Variants in BEND7 observed in about 807,000 individuals in gnomAD.
BEND7 encodes BEN domain containing 7.
A neutral mutation model predicts 50.9 loss-of-function variants in BEND7; 28 were observed. The observed-to-expected ratio is 0.55, with a 90% CI of 0.41 to 0.75. The LOEUF (loss-of-function observed/expected upper bound fraction) is 0.75, where lower values mean the gene tolerates loss of function less well. Among genes scored for constraint, BEND7 ranks in the 30% least tolerant of loss-of-function variants. BEND7 has a pLI of 0.00. For synonymous variants in BEND7, 170 were observed against 183.9 expected (o/e 0.92, Z 0.61); for missense variants, 477 against 491.3 (o/e 0.97, Z 0.28).
At chr10:13,521,994 C>G (rs1309740515) in intron 2 of BEND7, among the ~76,000 whole-genome samples, 2 of 152,222 alleles carry the variant, frequency 1.3e-5, no homozygotes, top group Non-Finnish European at 2.9e-5. Context: ...TTCAGAGTTT[C>G]AGAGATGTCG....
At chr10:13,481,530 C>T (rs2075858137) in intron 5 of BEND7, among the ~76,000 whole-genome samples, 1 of 152,212 alleles carries the variant, frequency 6.6e-6, no homozygotes, top group Non-Finnish European at 1.5e-5. Context: ...CAGTGCAGTA[C>T]AGTTACAGAT....
intron 1 of BEND7, among the ~76,000 whole-genome samples, chr10:13,527,255 G>A (rs1219124456): frequency 6.6e-6 from 1 of 152,192 alleles, no homozygotes; most frequent in Non-Finnish European, 1.5e-5. Flanking sequence ...AAAGTGGGAA[G>A]AGCCAAGTAT....
chr10:13,519,171 G>A (rs1319995195), intron 2 of BEND7, among the ~76,000 whole-genome samples: 1 of 151,420 alleles, frequency 6.6e-6, no homozygotes, highest in African/African-American at 2.4e-5. Flanking sequence ...CCAAGTGATC[G>A]GAAGAATAGA....
At chr10:13,472,138 G>T (rs910754988) in intron 6 of BEND7, among the ~76,000 whole-genome samples, 3 of 151,302 alleles carry the variant, frequency 2.0e-5, no homozygotes, top group African/African-American at 7.3e-5. Flanking sequence ...ACCCATCATC[G>T]CTCTTAGACT....
At chr10:13,472,697 T>C (rs2074999320) in intron 6 of BEND7, among the ~76,000 whole-genome samples, 1 of 152,000 alleles carries the variant, frequency 6.6e-6, no homozygotes, top group Admixed American at 6.5e-5. Context: ...CCATCATCGC[T>C]CTTAGACTCA....
chr10:13,512,014 T>G (rs1211105503), intron 2 of BEND7, among the ~76,000 whole-genome samples: 2 of 152,200 alleles, frequency 1.3e-5, no homozygotes, highest in Non-Finnish European at 2.9e-5. Context: ...GTACCTTAAC[T>G]ACCTAGGAAT....
chr10:13,507,305 ACTCT>A (rs891905602), intron 2 of BEND7, among the ~76,000 whole-genome samples: 4 of 151,534 alleles, frequency 2.6e-5, no homozygotes, highest in African/African-American at 7.3e-5. Context: ...GAACTGACTG[ACTCT>A]CTCTCCCCGC....
chr10:13,462,676 G>A (rs914769481), intron 6 of BEND7, among the ~76,000 whole-genome samples: 5 of 152,154 alleles, frequency 3.3e-5, no homozygotes, highest in Admixed American at 6.5e-5. Flanking sequence ...ACAAAGGACA[G>A]AATAAAAGGG....
chr10:13,439,469 C>A, downstream of BEND7: 1 of 1,611,840 alleles, frequency 6.2e-7, no homozygotes, highest in Non-Finnish European at 8.5e-7. Context: ...TCCCACCCGG[C>A]AGAACAGTGC....
chr10:13,516,863 G>A (rs1453517673), intron 2 of BEND7, among the ~76,000 whole-genome samples: 1 of 152,156 alleles, frequency 6.6e-6, no homozygotes, highest in Admixed American at 6.5e-5. Context: ...TGATACCAAA[G>A]GAGGCTTTTG....
At position 13,480,469 on chromosome 10, in the gene BEND7, C is replaced by T. The variant is rs138034803; in HGVS notation, c.1063+430G>A. On this transcript the variant is annotated intron_variant, in intron 6 of 8. Transcript: ENST00000466271. The stretch of plus-strand genomic sequence containing the variant: ...TTTAAAATGTCTTTAGAAGCAACAA[C>T]CTGGTAAAGCAACTCTAAACTTCAG... 7.8e-3 allele frequency: 2,525 copies of T among 323,734 alleles called. 13 individuals are homozygous for T. The highest frequency in any genetic ancestry group is 0.018 in the Middle Eastern group (11 of 604). 20.1% of individuals were successfully genotyped at this position (323,734 alleles called of 1,614,324 possible).
At chr10:13,439,033 T>C, downstream of BEND7, 1 of 840,048 alleles carries the variant, frequency 1.2e-6, no homozygotes, top group Non-Finnish European at 1.8e-6. Flanking sequence ...ATCAGTCCAC[T>C]CTTGCTGGGC....
At chr10:13,512,601 C>T (rs548882961) in intron 2 of BEND7, among the ~76,000 whole-genome samples, 53 of 152,330 alleles carry the variant, frequency 3.5e-4, no homozygotes, top group Middle Eastern at 3.4e-3. Flanking sequence ...CTAAGAGAGT[C>T]TTGACACAGA....
chr10:13,451,759 C>CA (rs57952038), intron 7 of BEND7, among the ~76,000 whole-genome samples: 2 of 122,180 alleles, frequency 1.6e-5, no homozygotes, highest in Non-Finnish European at 3.4e-5. Context: ...ATCCCTCCCC[C>CA]TCCCCCCACC....
At chr10:13,523,747 T>C (rs143669641) in intron 2 of BEND7, among the ~76,000 whole-genome samples, 33 of 152,334 alleles carry the variant, frequency 2.2e-4, no homozygotes, top group Middle Eastern at 3.4e-3. Context: ...CAACAAAAAA[T>C]TCCTACTCTC....
At chr10:13,505,689 T>C (rs1463021712) in intron 2 of BEND7, among the ~76,000 whole-genome samples, 1 of 152,220 alleles carries the variant, frequency 6.6e-6, no homozygotes, top group Non-Finnish European at 1.5e-5. Context: ...GGGCCTCTGG[T>C]GGCTGCTGAG....
intron 2 of BEND7, among the ~76,000 whole-genome samples, chr10:13,506,518 T>C (rs1345705369): frequency 6.6e-6 from 1 of 152,180 alleles, no homozygotes; most frequent in Non-Finnish European, 1.5e-5. Flanking sequence ...GGGCACCACA[T>C]GCAGGGTGAA....
At chr10:13,512,622 T>A (rs1027823595) in intron 2 of BEND7, among the ~76,000 whole-genome samples, 1 of 152,194 alleles carries the variant, frequency 6.6e-6, no homozygotes, top group East Asian at 1.9e-4. Context: ...AATGCAAATC[T>A]CCCCTCCTTC....
chr10:13,450,543 G>A (rs1837444337), intron 7 of BEND7, among the ~76,000 whole-genome samples: 1 of 152,162 alleles, frequency 6.6e-6, no homozygotes, highest in African/African-American at 2.4e-5. Flanking sequence ...GGTCATTGCT[G>A]ATGTGCTGTC....
Sources: allele counts gnomAD v4.1 joint callset (sites outside exome capture counted in the v4.1 genomes callset), GRCh38; gene constraint gnomAD v4.1.1; transcripts MANE v1.5; gene names NCBI Gene and HGNC (gene_info 2026-07-23, HGNC 2026-07-21).